The following KCNK13 variants were observed in gnomAD, a reference collection of about 807,000 sequenced individuals.
KCNK13 encodes potassium two pore domain channel subfamily K member 13.
A neutral mutation model predicts 23.4 loss-of-function variants in KCNK13; 12 were observed. That is an observed-to-expected ratio of 0.51 (90% confidence interval 0.33 to 0.83). KCNK13 has a LOEUF of 0.83. Among genes scored for constraint, KCNK13 ranks in the 40% least tolerant of loss-of-function variants. The pLI, the probability that KCNK13 is intolerant of heterozygous loss-of-function variation, is 0.02. For missense variants in KCNK13, 463 were observed against 556.3 expected, an observed-to-expected ratio of 0.83 and a Z score of 1.69; for synonymous variants, 231 against 229.5, an observed-to-expected ratio of 1.01 and a Z score of -0.06.
At chr14:90,158,631 G>C (rs952873394) in intron 1 of KCNK13, among the ~76,000 whole-genome samples, 4 of 152,248 alleles carry the variant, frequency 2.6e-5, no homozygotes, top group African/African-American at 9.6e-5. Flanking sequence ...GCTTCCTGGG[G>C]TGCAGTGTTT....
At chr14:90,088,697 A>T (rs1889309338) in intron 1 of KCNK13, among the ~76,000 whole-genome samples, 1 of 152,106 alleles carries the variant, frequency 6.6e-6, no homozygotes, top group South Asian at 2.1e-4. Flanking sequence ...CCCTTTGGGG[A>T]GTGATATGGT....
intron 1 of KCNK13, among the ~76,000 whole-genome samples, chr14:90,124,539 A>C (rs1022258310): frequency 6.6e-6 from 1 of 152,276 alleles, no homozygotes; most frequent in Non-Finnish European, 1.5e-5. Context: ...GGCAGCCTCA[A>C]TAAGCCAGGA....
intron 1 of KCNK13, among the ~76,000 whole-genome samples, chr14:90,079,153 C>T (rs1163400037): frequency 2.0e-5 from 3 of 152,176 alleles, no homozygotes; most frequent in East Asian, 1.9e-4. Context: ...CTGGCCATCA[C>T]GTCGACATGC....
At chr14:90,112,474 A>G (rs1889627274) in intron 1 of KCNK13, among the ~76,000 whole-genome samples, 1 of 152,238 alleles carries the variant, frequency 6.6e-6, no homozygotes, top group Non-Finnish European at 1.5e-5. Flanking sequence ...AAACAATGCA[A>G]ATCATCAATC....
At chr14:90,158,993 A>G (rs536233278) in intron 1 of KCNK13, among the ~76,000 whole-genome samples, 1 of 152,358 alleles carries the variant, frequency 6.6e-6, no homozygotes, top group African/African-American at 2.4e-5. Flanking sequence ...TTGCTATAAC[A>G]GGATACCCTA....
At chr14:90,115,432 A>C (rs2140414652) in intron 1 of KCNK13, among the ~76,000 whole-genome samples, 1 of 152,332 alleles carries the variant, frequency 6.6e-6, no homozygotes, top group South Asian at 2.1e-4. Context: ...CTTACAAAGA[A>C]GTCCTGCCCA....
At chr14:90,166,307 A>G (rs1042836830) in intron 1 of KCNK13, among the ~76,000 whole-genome samples, 2 of 152,276 alleles carry the variant, frequency 1.3e-5, no homozygotes, top group Non-Finnish European at 2.9e-5. Flanking sequence ...TGATAGCTCA[A>G]GCACAGAGTG....
At chr14:90,063,569 G>C (rs1043442448) in intron 1 of KCNK13, among the ~76,000 whole-genome samples, 2 of 152,146 alleles carry the variant, frequency 1.3e-5, no homozygotes, top group African/African-American at 4.8e-5. Context: ...CGGAGAGGAA[G>C]TGGCCTCCAA....
intron 1 of KCNK13, among the ~76,000 whole-genome samples, chr14:90,130,763 G>A (rs910414896): frequency 6.6e-6 from 1 of 152,040 alleles, no homozygotes; most frequent in African/African-American, 2.4e-5. Context: ...GTGGTGAGCC[G>A]AGATCGCACC....
chr14:90,064,996 G>T (rs550341832), intron 1 of KCNK13, among the ~76,000 whole-genome samples: 85 of 152,202 alleles, frequency 5.6e-4, no homozygotes, highest in African/African-American at 1.6e-3. Context: ...AAAGCTGAAG[G>T]TTCAGGTTTT....
Position 90,184,233 on chromosome 14 carries a change from A to G in KCNK13, c.457A>G (p.Ile153Val), listed in dbSNP as rs1166534553. 6.2e-7 allele frequency: 1 copy of G among 1,614,222 alleles called. No individual in the cohort carries two copies. The highest frequency in any genetic ancestry group is 2.2e-5 in the East Asian group (1 of 44,884). The stretch of plus-strand genomic sequence containing the variant: ...CTTCCTGGAGCGCCTGATCACCATC[A>G]TCGCCTACATCATGAAGTCGTGCCA... ...NLFLERLITI[I>V]AYIMKSCHQR... is the part of the protein sequence containing the mutation. The change falls in exon 2 of 2, where the codon ATC becomes GTC. Residue 153 changes from isoleucine (I) to valine (V), a missense_variant. Around this residue, in one of 3 missense-constraint regions of KCNK13, gnomAD observed 144 missense variants for 224.0 expected, o/e 0.64. Transcript: ENST00000282146. This position sits in a 1 kb window ranked among gnomAD's most constrained non-coding sequence, Gnocchi z 5.6.
chr14:90,142,791 C>T lies in KCNK13; in HGVS notation c.335-41320C>T, dbSNP rs143484800. On this transcript the variant is annotated intron_variant, in intron 1 of 1. Transcript: ENST00000282146. Reference sequence around the variant, plus strand: ...CGGATTAAACAAACAGGTTTATTAACATGTGCTTATGTATGGGAGCATTCA... The same window carrying T: ...CGGATTAAACAAACAGGTTTATTAATATGTGCTTATGTATGGGAGCATTCA... Among the ~76,000 whole-genome samples the T allele has an allele frequency of 3.9e-5, 6 of 152,338 alleles. No individual in the cohort carries two copies. In the East Asian group the frequency reaches 1.2e-3, roughly 29 times the overall value.
chr14:90,075,438 T>C (rs1433115010), intron 1 of KCNK13, among the ~76,000 whole-genome samples: 2 of 152,142 alleles, frequency 1.3e-5, no homozygotes, highest in Non-Finnish European at 2.9e-5. Flanking sequence ...TCACATCTTT[T>C]AACTGAGAGC....
intron 1 of KCNK13, among the ~76,000 whole-genome samples, chr14:90,146,307 G>C (rs2140430850): frequency 6.6e-6 from 1 of 151,978 alleles, no homozygotes; most frequent in South Asian, 2.1e-4. Flanking sequence ...TTTTATTTTG[G>C]GTTAATGTGG....
At chr14:90,124,686 A>G (rs986084079) in intron 1 of KCNK13, among the ~76,000 whole-genome samples, 2 of 152,246 alleles carry the variant, frequency 1.3e-5, no homozygotes, top group Non-Finnish European at 2.9e-5. Context: ...TCTGGGAAGA[A>G]GCAGCCCTGC....
chr14:90,174,110 TC>T (rs1890395692), intron 1 of KCNK13, among the ~76,000 whole-genome samples: 1 of 152,040 alleles, frequency 6.6e-6, no homozygotes, highest in African/African-American at 2.4e-5. Flanking sequence ...ATGCAGACCA[TC>T]CTGGCTAACA....
chr14:90,071,655 T>C (rs995556347), intron 1 of KCNK13, among the ~76,000 whole-genome samples: 2 of 152,046 alleles, frequency 1.3e-5, no homozygotes, highest in Non-Finnish European at 2.9e-5. Flanking sequence ...AAGGAGAGAA[T>C]TGGGAGGCCA....
intron 1 of KCNK13, among the ~76,000 whole-genome samples, chr14:90,182,629 C>T (rs1463042767): frequency 1.3e-5 from 2 of 151,884 alleles, no homozygotes; most frequent in African/African-American, 2.4e-5. Context: ...CGAGGCCAGC[C>T]CAGGCAACAA....
intron 1 of KCNK13, among the ~76,000 whole-genome samples, chr14:90,066,918 A>G (rs376173658): frequency 2.0e-5 from 3 of 152,236 alleles, no homozygotes; most frequent in Non-Finnish European, 4.4e-5. Context: ...CCATCAACGG[A>G]TGAATGAATT....
Sources: gnomAD v4.1 joint callset for allele counts (sites outside exome capture counted in the v4.1 genomes callset) on GRCh38, gnomAD v4.1.1 for gene constraint, gnomAD v4.1.1 regional missense constraint, Gnocchi (gnomAD v3.1) non-coding constraint, MANE v1.5 for transcripts, NCBI Gene and HGNC (gene_info 2026-07-23, HGNC 2026-07-21) for gene names.